Variants in VAPA observed in about 807,000 individuals in gnomAD.
VAPA encodes vesicle-associated membrane protein-associated protein A.
In VAPA, 6 loss-of-function variants were observed where a neutral mutation model predicts 25.6. The observed-to-expected ratio is 0.23, with a 90% confidence interval of 0.13 to 0.46. VAPA has a LOEUF of 0.46. Among genes scored for constraint, VAPA ranks in the 20% least tolerant of loss-of-function variants. The pLI is 0.99. For synonymous variants in VAPA, 112 were observed against 106.2 expected (o/e 1.05, Z -0.34); for missense variants, 244 against 302.1 (o/e 0.81, Z 1.43).
intron 1 of VAPA, among the ~76,000 whole-genome samples, chr18:9,916,217 C>T (rs1244100388): frequency 1.3e-5 from 2 of 152,032 alleles, no homozygotes; most frequent in East Asian, 3.9e-4. Context: ...AAGCAAAAGC[C>T]CTACACAGTG....
intron 1 of VAPA, among the ~76,000 whole-genome samples, chr18:9,928,890 G>C (rs982223971): frequency 6.6e-6 from 1 of 152,134 alleles, no homozygotes; most frequent in African/African-American, 2.4e-5. Context: ...AGAGAAATAA[G>C]AGTTATCCGA....
intron 1 of VAPA, among the ~76,000 whole-genome samples, chr18:9,928,026 C>A (rs758024230): frequency 2.0e-5 from 3 of 151,950 alleles, no homozygotes; most frequent in African/African-American, 7.2e-5. Flanking sequence ...TGGGATAGTT[C>A]ATTATAAACA....
At chr18:9,943,841 C>CTT (rs71169911) in intron 4 of VAPA, among the ~76,000 whole-genome samples, 2,021 of 51,746 alleles carry the variant, frequency 0.039, 679 homozygotes, top group Non-Finnish European at 0.056. Flanking sequence ...ACATATTTCC[C>CTT]TTTTTTTTTT....
At position 9,957,403 on chromosome 18, in the gene VAPA, A is replaced by G. The variant is rs2069562579; in HGVS notation, c.*3192A>G. 6.6e-6 allele frequency: 1 copy of G among 152,234 alleles called. No homozygotes were observed. The highest frequency in any genetic ancestry group is 2.4e-5 in the African/African-American group (1 of 41,464). The allele number at this position is 152,234 out of a possible 1,614,324, so 9.4% of individuals were successfully genotyped here. A position where few individuals can be genotyped will look rare whatever the true frequency, so the allele number is the denominator to read the frequency against. On this transcript the variant is annotated 3_prime_UTR_variant, in exon 6 of 6. Transcript: ENST00000400000. ...GTATGGGAATTACTTTTGAACTGTA[A>G]TCTTTCAGATTACACCACTTTGAAA...
At position 9,956,866 on chromosome 18, in the gene VAPA, A is replaced by G. The variant is rs929895734; in HGVS notation, c.*2655A>G. ...TGAGTTCATATGTGACACTGAATGC[A>G]CTAGCTTCCTTCGTTCTATAACTAA... On this transcript the variant is annotated 3_prime_UTR_variant, in exon 6 of 6. Coordinates refer to ENST00000400000, the MANE Select transcript of VAPA (RefSeq NM_194434.3). 6.6e-6 allele frequency: 1 copy of G among 152,190 alleles called. No homozygotes were observed. Among genetic ancestry groups the G allele is most frequent in the African/African-American group, 2.4e-5 (1 of 41,444 alleles). The allele number at this position is 152,190 out of a possible 1,614,324, so 9.4% of individuals were successfully genotyped here.
rs1276799715 is a variant in VAPA at position 9,914,225 on chromosome 18, C to T, written c.-32C>T. On this transcript the variant is annotated 5_prime_UTR_variant, in exon 1 of 6. Coordinates refer to ENST00000400000, the MANE Select transcript of VAPA (RefSeq NM_194434.3). ...GCCCCCAGTCAGCAAACCGCCGCCGCGGGCGCGCCCCCGCTCTGCGCTGTC... is the reference window on the plus strand; with the variant it reads ...GCCCCCAGTCAGCAAACCGCCGCCGTGGGCGCGCCCCCGCTCTGCGCTGTC... 5.1e-6 allele frequency: 8 copies of T among 1,560,888 alleles called. No homozygotes were observed. The East Asian group carries it at 2.1e-4, about 41-fold the overall frequency.
intron 2 of VAPA, among the ~76,000 whole-genome samples, chr18:9,932,211 C>T (rs1485701875): frequency 6.6e-6 from 1 of 152,190 alleles, no homozygotes; most frequent in African/African-American, 2.4e-5. Flanking sequence ...TTTATTTCTA[C>T]AGCTAACCAC....
At chr18:9,946,649 C>T (rs1025195812) in intron 4 of VAPA, among the ~76,000 whole-genome samples, 2 of 151,858 alleles carry the variant, frequency 1.3e-5, no homozygotes, top group Non-Finnish European at 2.9e-5. Context: ...TGTATACTTG[C>T]ATAGGGCACT....
At chr18:9,928,460 C>T (rs1180115021) in intron 1 of VAPA, among the ~76,000 whole-genome samples, 1 of 152,114 alleles carries the variant, frequency 6.6e-6, no homozygotes, top group African/African-American at 2.4e-5. Flanking sequence ...GCAGGATTAA[C>T]CATTATCCTG....
chr18:9,939,906 G>A (rs898738360), intron 4 of VAPA, among the ~76,000 whole-genome samples: 7 of 152,120 alleles, frequency 4.6e-5, no homozygotes, highest in Admixed American at 4.6e-4. Flanking sequence ...GTATGACCTA[G>A]GTCTGTTAGT....
At chr18:9,917,739 T>C (rs1020788410) in intron 1 of VAPA, among the ~76,000 whole-genome samples, 7 of 152,050 alleles carry the variant, frequency 4.6e-5, no homozygotes, top group African/African-American at 1.5e-4. Context: ...AAAATTAAGC[T>C]CTCTGAGGGA....
At chr18:9,951,763 G>A (rs2069492665) in intron 5 of VAPA, among the ~76,000 whole-genome samples, 1 of 152,206 alleles carries the variant, frequency 6.6e-6, no homozygotes, top group African/African-American at 2.4e-5. Flanking sequence ...TTTGTTAGGT[G>A]TATGTAGGAA....
intron 1 of VAPA, among the ~76,000 whole-genome samples, chr18:9,926,470 T>C (rs1208577407): frequency 6.6e-6 from 1 of 152,158 alleles, no homozygotes; most frequent in Non-Finnish European, 1.5e-5. Context: ...AAATTTAGCC[T>C]GCTGCAGTTT....
Position 9,955,495 on chromosome 18 carries a change from C to T in VAPA, c.*1284C>T, listed in dbSNP as rs2069538970. 1 of 152,082 alleles carries T rather than the reference C, an allele frequency of 6.6e-6. No homozygotes were observed. The highest frequency in any genetic ancestry group is 6.6e-5 in the Admixed American group (1 of 15,254). 9.4% of individuals were successfully genotyped at this position (152,082 alleles called of 1,614,324 possible). A position where few individuals can be genotyped will look rare whatever the true frequency, so the allele number is the denominator to read the frequency against. The stretch of plus-strand genomic sequence containing the variant: ...AAAATTTTGGAATCAGAAAATAGAT[C>T]CAGTGTTTAGCTACATACAATCTAG... On this transcript the variant is annotated 3_prime_UTR_variant, in exon 6 of 6. Transcript: ENST00000400000.
intron 4 of VAPA, among the ~76,000 whole-genome samples, chr18:9,945,350 CTTTTTTTTTT>C (rs869048248): frequency 4.2e-4 from 24 of 57,306 alleles, no homozygotes; most frequent in East Asian, 3.6e-3. Flanking sequence ...GGAATATACT[CTTTTTTTTTT>C]TTTTTTTTTT....
chr18:9,920,463 T>C (rs2069147159), intron 1 of VAPA, among the ~76,000 whole-genome samples: 1 of 152,118 alleles, frequency 6.6e-6, no homozygotes, highest in Admixed American at 6.5e-5. Context: ...CCACCATGCC[T>C]GGCTAATTTT....
chr18:9,936,086 A>G (rs1016144457), intron 2 of VAPA, 24 bp from the exon 3 acceptor site: 1 of 1,522,626 alleles, frequency 6.6e-7, no homozygotes, highest in Non-Finnish European at 9.0e-7. Flanking sequence ...AGACAATATA[A>G]TATATCCTTT....
intron 4 of VAPA, among the ~76,000 whole-genome samples, chr18:9,947,320 AGTAT>A (rs2069435925): frequency 6.6e-6 from 1 of 152,240 alleles, no homozygotes; most frequent in African/African-American, 2.4e-5. Context: ...ACTGGAGTAC[AGTAT>A]GTATATTTAC....
chr18:9,949,456 G>A (rs992005150), intron 4 of VAPA: 9 of 152,100 alleles, frequency 5.9e-5, no homozygotes, highest in African/African-American at 2.2e-4. Flanking sequence ...TATAAAATTG[G>A]CAGCTGGGAT....
Sources: allele counts gnomAD v4.1 joint callset (sites outside exome capture counted in the v4.1 genomes callset), GRCh38; gene constraint gnomAD v4.1.1; transcripts MANE v1.5; gene names NCBI Gene and HGNC (gene_info 2026-07-23, HGNC 2026-07-21).